Variants in LRP6 observed in about 807,000 individuals in gnomAD.
LRP6 encodes LDL receptor related protein 6, also known as low-density lipoprotein receptor-related protein 6.
Under a neutral mutation model 184.1 loss-of-function variants are expected in LRP6, and 43 were observed. That is an observed-to-expected ratio of 0.23 (90% confidence interval 0.18 to 0.30). LRP6 has a LOEUF of 0.30. Among genes scored for constraint, LRP6 ranks in the 10% least tolerant of loss-of-function variants. The probability of loss-of-function intolerance (pLI) is 1.00; values close to 1 mark genes in which losing one functional copy is unlikely to be tolerated. For missense variants in LRP6, 1,571 were observed against 2,005.3 expected (o/e 0.78, Z 4.14); for synonymous variants, 719 against 684.9 (o/e 1.05, Z -0.78).
chr12:12,186,894 T>C (rs1378600473), intron 4 of LRP6, 29 bp downstream of exon 4: 1 of 1,599,966 alleles, frequency 6.3e-7, no homozygotes, highest in East Asian at 2.2e-5. Context: ...CTGTTCCAAC[T>C]TGCAATTTAA....
chr12:12,134,533 A>C (rs1047840887), intron 17 of LRP6, among the ~76,000 whole-genome samples: 4 of 152,218 alleles, frequency 2.6e-5, no homozygotes. Context: ...AACCAATTTT[A>C]CTACAACAGT....
chr12:12,231,680 C>T (rs979186650), intron 2 of LRP6, among the ~76,000 whole-genome samples: 4 of 151,604 alleles, frequency 2.6e-5, no homozygotes, highest in Admixed American at 6.6e-5. Flanking sequence ...GCCCAGGAAA[C>T]GGTTTTTTTT....
At chr12:12,211,285 T>C (rs1302531998) in intron 2 of LRP6, among the ~76,000 whole-genome samples, 1 of 152,030 alleles carries the variant, frequency 6.6e-6, no homozygotes, top group African/African-American at 2.4e-5. Context: ...TGACTAAAAA[T>C]ACAAAAATTA....
At chr12:12,250,953 T>C (rs1865310222) in intron 1 of LRP6, among the ~76,000 whole-genome samples, 1 of 146,258 alleles carries the variant, frequency 6.8e-6, no homozygotes, top group Non-Finnish European at 1.5e-5. Flanking sequence ...TTTTTCGAGA[T>C]GGGGTTTCGC....
At position 12,230,295 on chromosome 12, in the gene LRP6, CATTTA is replaced by C. The variant is rs145691040; in HGVS notation, c.449+13962_449+13966del. On this transcript the variant is annotated intron_variant, in intron 2 of 22. Coordinates refer to ENST00000261349, the MANE Select transcript of LRP6 (RefSeq NM_002336.3). ...TATACATTTTTATTACAATCCAAAG[CATTTA>C]ATTTATTTGATTAGGTAAGGATAAA... is the stretch of plus-strand genomic sequence containing the variant. 7.3e-3 allele frequency among the ~76,000 whole-genome samples: 1,106 copies of C among 152,246 alleles called. 8 individuals are homozygous for C. Among genetic ancestry groups the C allele is most frequent in the African/African-American group, 0.025 (1,042 of 41,540 alleles).
intron 12 of LRP6, among the ~76,000 whole-genome samples, chr12:12,154,115 A>C (rs1302825193): frequency 1.3e-5 from 2 of 152,130 alleles, no homozygotes; most frequent in Non-Finnish European, 2.9e-5. Flanking sequence ...AGGATTACAC[A>C]ATCTGGCTTC....
intron 15 of LRP6, among the ~76,000 whole-genome samples, chr12:12,146,689 AT>A (rs1332948304): frequency 6.6e-6 from 1 of 152,310 alleles, no homozygotes; most frequent in East Asian, 1.9e-4. Context: ...TACCCTGAAG[AT>A]TTTTTAAGTA....
intron 1 of LRP6, among the ~76,000 whole-genome samples, chr12:12,250,350 C>G (rs1002873010): frequency 6.6e-6 from 1 of 152,186 alleles, no homozygotes; most frequent in African/African-American, 2.4e-5. Flanking sequence ...CTGCCTACTC[C>G]ATACTTCTCT....
chr12:12,197,613 T>C (rs1005706377), intron 3 of LRP6, among the ~76,000 whole-genome samples: 1 of 152,238 alleles, frequency 6.6e-6, no homozygotes, highest in Non-Finnish European at 1.5e-5. Flanking sequence ...ATTACATCTA[T>C]ACTTCCTCTC....
At chr12:12,208,676 T>C (rs1019907044) in intron 2 of LRP6, among the ~76,000 whole-genome samples, 1 of 152,206 alleles carries the variant, frequency 6.6e-6, no homozygotes, top group Non-Finnish European at 1.5e-5. Flanking sequence ...ATCCAGACCT[T>C]GTGCTTTCCA....
At chr12:12,141,990 G>A (rs1301758219) in intron 15 of LRP6, among the ~76,000 whole-genome samples, 1 of 152,064 alleles carries the variant, frequency 6.6e-6, no homozygotes, top group East Asian at 1.9e-4. Context: ...GGCGACATAT[G>A]GTTTAAGATA....
chr12:12,249,227 C>G (rs1466402558), intron 1 of LRP6: 13 of 844,624 alleles, frequency 1.5e-5, no homozygotes, highest in Non-Finnish European at 2.2e-5. Context: ...AAGCACCCCC[C>G]TTTGTAAGAT....
chr12:12,168,898 G>T (rs957866011), intron 7 of LRP6, among the ~76,000 whole-genome samples: 1 of 151,738 alleles, frequency 6.6e-6, no homozygotes, highest in Non-Finnish European at 1.5e-5. Context: ...TTGGGTTCAG[G>T]GCAGCACTAT....
rs558826609 is a variant in LRP6, at chr12:12,234,883, A to G, written c.449+9379T>C. Among the ~76,000 whole-genome samples the G allele has an allele frequency of 2.0e-5, 3 of 152,110 alleles. No homozygotes were observed. In the East Asian group the frequency reaches 5.8e-4, roughly 29 times the overall value. ...GAGAACGGAGATATAATAAAAGAAAAAAAAAGAATATACACACGTATCAAC... is the reference window on the plus strand; with the variant it reads ...GAGAACGGAGATATAATAAAAGAAAGAAAAAGAATATACACACGTATCAAC... On this transcript the variant is annotated intron_variant, in intron 2 of 22. Coordinates refer to ENST00000261349, the MANE Select transcript of LRP6 (RefSeq NM_002336.3).
chr12:12,181,140 G>C lies in LRP6; in HGVS notation c.1276C>G (p.Arg426Gly), dbSNP rs751994990. ...NLYWTDTGTDRIEVTRLNGTM... is the reference protein window; with the variant it reads ...NLYWTDTGTDGIEVTRLNGTM... ...CCATTGAGCCTTGTCACTTCTATTC[G>C]ATCAGTGCCAGTGTCTGTCCAATAA... is the stretch of plus-strand genomic sequence containing the variant. The change falls in exon 6 of 23, where the codon CGA (arginine) becomes GGA (glycine). Residue 426 changes from arginine (R) to glycine (G), a missense_variant. This residue lies in a region of LRP6 where 640 missense variants were observed against 851.9 expected (regional missense o/e 0.75). Coordinates refer to ENST00000261349, the MANE Select transcript of LRP6 (RefSeq NM_002336.3). 2.2e-5 allele frequency: 36 copies of C among 1,613,858 alleles called. No homozygotes were observed. The Admixed American group carries it at 2.5e-4, about 11-fold the overall frequency.
chr12:12,173,043 A>G (rs1050844283), intron 7 of LRP6, among the ~76,000 whole-genome samples: 5 of 152,252 alleles, frequency 3.3e-5, no homozygotes, highest in Non-Finnish European at 7.3e-5. Flanking sequence ...GGCATTGAAT[A>G]TTAAAGATTT....
chr12:12,256,826 A>G (rs1254539011), intron 1 of LRP6, among the ~76,000 whole-genome samples: 2 of 152,184 alleles, frequency 1.3e-5, no homozygotes, highest in African/African-American at 4.8e-5. Context: ...GATTTTTTTA[A>G]CGTATCAAAA....
intron 2 of LRP6, among the ~76,000 whole-genome samples, chr12:12,213,519 G>A (rs897599608): frequency 6.6e-6 from 1 of 151,728 alleles, no homozygotes; most frequent in Non-Finnish European, 1.5e-5. Flanking sequence ...TCAAAATTTG[G>A]TTGAATCAGT....
chr12:12,266,789 G>A lies in LRP6; in HGVS notation c.-54C>T, dbSNP rs1865779271. On this transcript the variant is annotated 5_prime_UTR_variant, in exon 1 of 23. Coordinates refer to ENST00000261349, the MANE Select transcript of LRP6 (RefSeq NM_002336.3). ...CGGCGAGGGGTGGCCAGAAGTGGGG[G>A]AGGCGAGGAGCCGGGGCGGCCGCCG... The A allele has an allele frequency of 2.7e-6, 4 of 1,482,846 alleles. No homozygotes were observed. The highest frequency in any genetic ancestry group is 3.7e-6 in the Non-Finnish European group (4 of 1,074,904). 91.9% of individuals were successfully genotyped at this position (1,482,846 alleles called of 1,614,324 possible).
Sources: allele counts gnomAD v4.1 joint callset (sites outside exome capture counted in the v4.1 genomes callset), GRCh38; gene constraint gnomAD v4.1.1; regional missense constraint gnomAD v4.1.1; transcripts MANE v1.5; gene names NCBI Gene and HGNC (gene_info 2026-07-23, HGNC 2026-07-21).